FHOD3: variants seen among roughly 807,000 people sequenced by gnomAD.
The protein encoded by FHOD3 is formin homology 2 domain containing 3.
A neutral mutation model predicts 173.0 loss-of-function variants in FHOD3; 90 were observed. The observed-to-expected ratio is 0.52, with a 90% CI of 0.44 to 0.62. The LOEUF (loss-of-function observed/expected upper bound fraction) is 0.62, where lower values mean the gene tolerates loss of function less well. FHOD3 is among the 20% of genes least tolerant of loss of function. The probability of loss-of-function intolerance (pLI) is 0.00; values close to 1 mark genes in which losing one functional copy is unlikely to be tolerated. For synonymous variants in FHOD3, 828 were observed against 823.0 expected, an observed-to-expected ratio of 1.01 and a Z score of -0.10; for missense variants, 1,945 against 2,034.7, an observed-to-expected ratio of 0.96 and a Z score of 0.85.
At chr18:36,436,243 C>A (rs1568268892) in intron 3 of FHOD3, among the ~76,000 whole-genome samples, 1 of 152,062 alleles carries the variant, frequency 6.6e-6, no homozygotes, top group Non-Finnish European at 1.5e-5. Context: ...GGCAAGGAAC[C>A]AGCTTGTTCT....
In FHOD3 at chr18:36,684,388, C is replaced by T. The variant is rs147324973; in HGVS notation, c.1971-2740C>T. Among the ~76,000 whole-genome samples, 368 of 151,884 alleles carry T rather than the reference C, an allele frequency of 2.4e-3. 1 individual carries two copies. Among genetic ancestry groups the T allele is most frequent in the Non-Finnish European group, 2.2e-3 (151 of 67,942 alleles). On this transcript the variant is annotated intron_variant, in intron 15 of 28. Coordinates refer to ENST00000590592, the MANE Select transcript of FHOD3 (RefSeq NM_001281740.3). ...AAGAGAATTAAAAGATGGCTAACCA[C>T]AAAGGACATAGATATTATACATTTA...
chr18:36,298,749 C>T (rs1005088568), intron 1 of FHOD3, among the ~76,000 whole-genome samples: 14 of 142,932 alleles, frequency 9.8e-5, no homozygotes, highest in Admixed American at 5.6e-4. Flanking sequence ...TCAGTCTACC[C>T]GTTAGAGAGG....
chr18:36,473,840 A>G (rs2053416991), intron 3 of FHOD3, among the ~76,000 whole-genome samples: 2 of 152,234 alleles, frequency 1.3e-5, no homozygotes, highest in Non-Finnish European at 2.9e-5. Context: ...ATAGGAATAT[A>G]TCATTGGCTT....
At chr18:36,611,832 C>T in intron 8 of FHOD3, 120 bp from the exon 9 acceptor site, 1 of 969,410 alleles carries the variant, frequency 1.0e-6, no homozygotes, top group Non-Finnish European at 1.5e-6. Context: ...TGTCATCTGT[C>T]TGGATTGATT....
chr18:36,726,089 A>C (rs1353760455), intron 19 of FHOD3, among the ~76,000 whole-genome samples: 10 of 151,540 alleles, frequency 6.6e-5, no homozygotes, highest in African/African-American at 2.4e-4. Flanking sequence ...TATATGCAAA[A>C]TAAAGGTAAC....
At chr18:36,615,188 T>C (rs1200615574) in intron 9 of FHOD3, among the ~76,000 whole-genome samples, 1 of 152,182 alleles carries the variant, frequency 6.6e-6, no homozygotes, top group East Asian at 1.9e-4. Context: ...ATTATTTCTA[T>C]ATTCTGGATA....
chr18:36,605,092 T>G (rs1355535836), intron 8 of FHOD3, among the ~76,000 whole-genome samples: 1 of 152,230 alleles, frequency 6.6e-6, no homozygotes, highest in African/African-American at 2.4e-5. Flanking sequence ...TCCTAAGAAT[T>G]CTGCTTTTAT....
At chr18:36,380,116 G>A (rs1262382993) in intron 3 of FHOD3, among the ~76,000 whole-genome samples, 2 of 152,144 alleles carry the variant, frequency 1.3e-5, no homozygotes, top group Admixed American at 1.3e-4. Context: ...ACTGCTACCA[G>A]TTCAAGATTT....
At chr18:36,692,500 A>T (rs2039025947) in intron 16 of FHOD3, among the ~76,000 whole-genome samples, 1 of 152,236 alleles carries the variant, frequency 6.6e-6, no homozygotes. Flanking sequence ...TATGATTGGT[A>T]GCTGGTCTTA....
At chr18:36,553,667 GC>G (rs1328920667) in intron 5 of FHOD3, among the ~76,000 whole-genome samples, 1 of 151,980 alleles carries the variant, frequency 6.6e-6, no homozygotes, top group African/African-American at 2.4e-5. Flanking sequence ...CTTCTGCATG[GC>G]AAAAGAAACT....
In FHOD3 at chr18:36,305,130, GA is replaced by G. The variant is rs1032061301; in HGVS notation, c.165+7138del. ...GAGGGAGGAAGATCAATTATTTTTT[GA>G]AAAAAAATTATCACCAATCTGCAAA... On this transcript the variant is annotated intron_variant, in intron 1 of 28. Transcript: ENST00000590592. 5.3e-5 allele frequency among the ~76,000 whole-genome samples: 8 copies of G among 151,692 alleles called. 1 individual carries two copies. In the South Asian group the frequency reaches 1.5e-3, roughly 28 times the overall value.
chr18:36,306,820 G>A (rs1358274600), intron 1 of FHOD3, among the ~76,000 whole-genome samples: 1 of 152,206 alleles, frequency 6.6e-6, no homozygotes, highest in Admixed American at 6.5e-5. Flanking sequence ...TAGAAGGGAG[G>A]AAGAATAGTC....
intron 13 of FHOD3, among the ~76,000 whole-genome samples, chr18:36,655,925 A>G (rs1375419923): frequency 2.0e-5 from 3 of 152,230 alleles, no homozygotes; most frequent in East Asian, 1.9e-4. Flanking sequence ...CCATAGCGTC[A>G]TTTAAACACA....
At chr18:36,393,184 G>A (rs2048383478) in intron 3 of FHOD3, among the ~76,000 whole-genome samples, 1 of 152,230 alleles carries the variant, frequency 6.6e-6, no homozygotes, top group Non-Finnish European at 1.5e-5. Context: ...AAGGCTGCCT[G>A]CTTAATTTTA....
At chr18:36,737,031 A>C (rs2041670373) in intron 20 of FHOD3, among the ~76,000 whole-genome samples, 2 of 152,212 alleles carry the variant, frequency 1.3e-5, no homozygotes, top group African/African-American at 4.8e-5. Context: ...TCTGCTCACA[A>C]AAAACAAGGG....
intron 16 of FHOD3, chr18:36,692,976 G>C: frequency 1.7e-6 from 1 of 574,850 alleles, no homozygotes; most frequent in South Asian, 2.0e-5. Context: ...TCTAGGGACT[G>C]TGTGATGCTG....
intron 3 of FHOD3, among the ~76,000 whole-genome samples, chr18:36,482,879 AG>A (rs2054002795): frequency 1.3e-5 from 2 of 150,930 alleles, no homozygotes; most frequent in Non-Finnish European, 2.9e-5. Context: ...AGAGAGAGAG[AG>A]AGAGAGAGAG....
intron 3 of FHOD3, among the ~76,000 whole-genome samples, chr18:36,451,768 G>A (rs1049760959): frequency 6.6e-6 from 1 of 152,204 alleles, no homozygotes; most frequent in Non-Finnish European, 1.5e-5. Flanking sequence ...GACCTCTCAA[G>A]CTTACTGGCT....
intron 4 of FHOD3, among the ~76,000 whole-genome samples, chr18:36,508,214 G>GAATTTA (rs1568362462): frequency 6.6e-6 from 1 of 151,378 alleles, no homozygotes; most frequent in African/African-American, 2.4e-5. Context: ...CTGTGTTCCT[G>GAATTTA]AATTTAATTG....
Sources: gnomAD v4.1 joint callset for allele counts (sites outside exome capture counted in the v4.1 genomes callset) on GRCh38, gnomAD v4.1.1 for gene constraint, MANE v1.5 for transcripts, NCBI Gene and HGNC (gene_info 2026-07-23, HGNC 2026-07-21) for gene names.